Variants in LTBP2 observed in about 807,000 individuals in gnomAD.
The protein encoded by LTBP2 is latent-transforming growth factor beta-binding protein 2.
Under a neutral mutation model 210.6 loss-of-function variants are expected in LTBP2, and 103 were observed. That is an observed-to-expected ratio of 0.49 (90% CI 0.42 to 0.58). LTBP2 has a LOEUF of 0.58. LTBP2 is among the 20% of genes least tolerant of loss of function. The probability of loss-of-function intolerance (pLI) is 0.00; values close to 1 mark genes in which losing one functional copy is unlikely to be tolerated. For missense variants in LTBP2, 2,313 were observed against 2,494.5 expected (o/e 0.93, Z 1.55); for synonymous variants, 1,007 against 1,015.0 (o/e 0.99, Z 0.15).
chr14:74,518,328 T>A (rs2087160270), intron 17 of LTBP2, among the ~76,000 whole-genome samples: 1 of 152,152 alleles, frequency 6.6e-6, no homozygotes, highest in Admixed American at 6.5e-5. Flanking sequence ...AAATCCCAGC[T>A]CCTCAAGCCT....
chr14:74,582,381 CACACACACACATACAT>C (rs952286661), intron 3 of LTBP2, among the ~76,000 whole-genome samples: 2 of 118,482 alleles, frequency 1.7e-5, no homozygotes, highest in African/African-American at 4.0e-5. Context: ...TGTGTACATG[CACACACACACATACAT>C]ACACACACAC....
At chr14:74,513,567 C>A (rs2087098253) in intron 18 of LTBP2, among the ~76,000 whole-genome samples, 1 of 152,192 alleles carries the variant, frequency 6.6e-6, no homozygotes, top group Non-Finnish European at 1.5e-5. Flanking sequence ...CTTTGGGAGG[C>A]CAAGACAGGC....
intron 9 of LTBP2, among the ~76,000 whole-genome samples, chr14:74,533,139 C>T (rs1443653116): frequency 1.3e-5 from 2 of 152,288 alleles, no homozygotes. Context: ...AGCTGCCTTG[C>T]CAGGCCTCAA....
At chr14:74,604,628 C>T (rs1418369553) in intron 1 of LTBP2, among the ~76,000 whole-genome samples, 1 of 151,616 alleles carries the variant, frequency 6.6e-6, no homozygotes, top group Admixed American at 6.6e-5. Context: ...TCATGGCAAC[C>T]TCAGTCCTGC....
At chr14:74,502,402 G>C (rs944199162) in intron 34 of LTBP2, among the ~76,000 whole-genome samples, 1 of 152,186 alleles carries the variant, frequency 6.6e-6, no homozygotes, top group Non-Finnish European at 1.5e-5. Context: ...CCCACAGGAA[G>C]CTTGTAGGTT....
intron 3 of LTBP2, among the ~76,000 whole-genome samples, chr14:74,566,331 C>G (rs973394495): frequency 6.6e-6 from 1 of 152,152 alleles, no homozygotes; most frequent in South Asian, 2.1e-4. Context: ...AAGGGAGCAG[C>G]CAGAGGAATA....
rs771132749 is a variant in LTBP2, at chr14:74,511,228, TG to T, written c.3028+16del. On this transcript the variant is annotated intron_variant, in intron 19 of 35. Coordinates refer to ENST00000261978, the MANE Select transcript of LTBP2 (RefSeq NM_000428.3). ...AGGCCGAATGGCTGGCTCAGTGCCT[TG>T]GCCAGCAGCCCTCACCTACACAGCT... is the stretch of plus-strand genomic sequence containing the variant. The T allele has an allele frequency of 1.2e-6, 2 of 1,613,636 alleles. No individual in the cohort carries two copies. The highest frequency in any genetic ancestry group is 1.7e-6 in the Non-Finnish European group (2 of 1,179,938).
chr14:74,549,770 C>T, intron 8 of LTBP2, 93 bp downstream of exon 8: 2 of 1,040,000 alleles, frequency 1.9e-6, no homozygotes, highest in Middle Eastern at 2.0e-4. Flanking sequence ...ACCTGCCTGG[C>T]CTCTGACATC....
rs543373798 is a variant in LTBP2, at chr14:74,593,053, A to G, written c.566-6935T>C. Reference sequence around the variant, plus strand: ...GTCAGCAGGACGCCAAAAGAGGAAGAAAACTCCTGAAATTGCTTTAAAAGC... The same window carrying G: ...GTCAGCAGGACGCCAAAAGAGGAAGGAAACTCCTGAAATTGCTTTAAAAGC... On this transcript the variant is annotated intron_variant, in intron 2 of 35. Transcript: ENST00000261978. 1.5e-4 allele frequency among the ~76,000 whole-genome samples: 23 copies of G among 152,322 alleles called. 1 individual carries two copies. The South Asian group carries it at 4.3e-3, about 29-fold the overall frequency.
At chr14:74,536,061 T>A in intron 8 of LTBP2, 61 bp from the exon 9 acceptor site, 3 of 1,470,446 alleles carry the variant, frequency 2.0e-6, no homozygotes, top group Non-Finnish European at 2.9e-6. Context: ...CTGTCACCCA[T>A]GCTGGGAAGC....
Position 74,566,239 on chromosome 14 carries a change from G to A in LTBP2, c.831-10546C>T, listed in dbSNP as rs185572181. On this transcript the variant is annotated intron_variant, in intron 3 of 35. Coordinates refer to ENST00000261978, the MANE Select transcript of LTBP2 (RefSeq NM_000428.3). ...ACAGTTTGAGAAATGTAAGAGGAAA[G>A]AGAACAAAGAAGGGCAGAGGGGGCC... Among the ~76,000 whole-genome samples, 95 of 152,304 alleles carry A rather than the reference G, an allele frequency of 6.2e-4. 1 individual carries two copies. The highest frequency in any genetic ancestry group is 2.2e-3 in the African/African-American group (90 of 41,548).
At chr14:74,540,942 A>ATTT (rs199917849) in intron 8 of LTBP2, among the ~76,000 whole-genome samples, 15 of 27,172 alleles carry the variant, frequency 5.5e-4, no homozygotes, top group Non-Finnish European at 3.9e-3. Context: ...ATATATATAT[A>ATTT]TATTTTTTAT....
chr14:74,576,454 T>G (rs1471798134), intron 3 of LTBP2, among the ~76,000 whole-genome samples: 1 of 152,054 alleles, frequency 6.6e-6, no homozygotes, highest in Non-Finnish European at 1.5e-5. Flanking sequence ...ATAAGTAAAT[T>G]ATATGCTACG....
chr14:74,543,377 C>CAA (rs71119305), intron 8 of LTBP2, among the ~76,000 whole-genome samples: 5,385 of 95,772 alleles, frequency 0.056, 395 homozygotes, highest in Middle Eastern at 0.09. Context: ...GACTCCGTCT[C>CAA]AAAAAAAAAA....
chr14:74,554,534 G>A (rs576354042), intron 4 of LTBP2, among the ~76,000 whole-genome samples: 3 of 152,210 alleles, frequency 2.0e-5, no homozygotes, highest in South Asian at 2.1e-4. Flanking sequence ...AAAATGTAAC[G>A]CTAAGTGAAA....
In LTBP2 at chr14:74,522,812, G is replaced by C. The variant is rs1197744874; in HGVS notation, c.2637C>G (p.His879Gln). Residue 879 changes from histidine (H) to glutamine (Q), a missense_variant, in exon 16 of 36, where the codon CAC becomes CAG. By Grantham distance (24) the His-to-Gln change is conservative. This residue lies in a region of LTBP2 where 1,867 missense variants were observed against 1,976.9 expected (regional missense o/e 0.94). Transcript: ENST00000261978. ...RCVCSPGYQL[H>Q]PSQAYCTDDN... Reference sequence around the variant, plus strand: ...TACCTGTGCAGTAGGCCTGGCTGGGGTGCAGCTGGTAGCCAGGGCTGCAGA... The same window carrying C: ...TACCTGTGCAGTAGGCCTGGCTGGGCTGCAGCTGGTAGCCAGGGCTGCAGA... 6.8e-6 allele frequency: 11 copies of C among 1,611,332 alleles called. No homozygotes were observed. Among genetic ancestry groups the C allele is most frequent in the Middle Eastern group, 1.6e-4 (1 of 6,080 alleles).
intron 3 of LTBP2, among the ~76,000 whole-genome samples, chr14:74,578,834 T>G (rs945448628): frequency 1.3e-5 from 2 of 152,218 alleles, no homozygotes; most frequent in Non-Finnish European, 2.9e-5. Context: ...TCCCAGCCAC[T>G]CTGTTCCTGG....
intron 3 of LTBP2, among the ~76,000 whole-genome samples, chr14:74,570,740 T>C (rs1388377736): frequency 6.6e-6 from 1 of 152,076 alleles, no homozygotes; most frequent in African/African-American, 2.4e-5. Context: ...TTGCCCGGGG[T>C]CATCCCCAGC....
chr14:74,591,991 GA>G (rs2088289266), intron 2 of LTBP2, among the ~76,000 whole-genome samples: 1 of 152,124 alleles, frequency 6.6e-6, no homozygotes, highest in African/African-American at 2.4e-5. Context: ...GCTTCACTTG[GA>G]AAAATGAAAA....
Sources: allele counts gnomAD v4.1 joint callset (sites outside exome capture counted in the v4.1 genomes callset), GRCh38; gene constraint gnomAD v4.1.1; regional missense constraint gnomAD v4.1.1; transcripts MANE v1.5; gene names NCBI Gene and HGNC (gene_info 2026-07-23, HGNC 2026-07-21).